Variants in TENM4 observed in about 807,000 individuals in gnomAD.
TENM4 encodes the protein teneurin transmembrane protein 4.
A neutral mutation model predicts 243.3 loss-of-function variants in TENM4; 82 were observed. That is an observed-to-expected ratio of 0.34 (90% CI 0.28 to 0.40). The LOEUF is 0.40. Ranked by LOEUF, TENM4 falls within the 10% of genes least tolerant of loss-of-function variation. TENM4 has a pLI of 1.00. For synonymous variants in TENM4, 1,412 were observed against 1,456.3 expected (o/e 0.97, Z 0.69); for missense variants, 3,138 against 3,673.3 (o/e 0.85, Z 3.77).
chr11:79,365,382 G>A (rs1046107103), intron 1 of TENM4, among the ~76,000 whole-genome samples: 1 of 152,182 alleles, frequency 6.6e-6, no homozygotes, highest in Non-Finnish European at 1.5e-5. Context: ...AGTAGCAACT[G>A]TATTATGAAT....
chr11:79,069,639 C>A (rs1438068487), intron 5 of TENM4, 83 bp downstream of exon 5: 27 of 1,458,176 alleles, frequency 1.9e-5, no homozygotes, highest in Non-Finnish European at 9.1e-7. Flanking sequence ...CCACGCCCAC[C>A]TGCGCCACGC....
At chr11:78,947,448 G>A (rs1254300747) in intron 6 of TENM4, among the ~76,000 whole-genome samples, 1 of 151,836 alleles carries the variant, frequency 6.6e-6, no homozygotes, top group African/African-American at 2.4e-5. Flanking sequence ...GGGTGTGTGG[G>A]GACCTGGAAA....
At chr11:79,247,452 C>G (rs543614046) in intron 2 of TENM4, among the ~76,000 whole-genome samples, 1 of 148,200 alleles carries the variant, frequency 6.7e-6, no homozygotes, top group African/African-American at 2.5e-5. Context: ...AGAAGAAGAA[C>G]GTGCTGATTC....
chr11:79,375,006 A>G (rs1465884499), intron 1 of TENM4, among the ~76,000 whole-genome samples: 2 of 152,244 alleles, frequency 1.3e-5, no homozygotes, highest in East Asian at 1.9e-4. Context: ...TGGGAATTCC[A>G]TGAGAAAGAC....
chr11:78,705,013 G>A (rs939434788), intron 27 of TENM4, among the ~76,000 whole-genome samples: 1 of 152,204 alleles, frequency 6.6e-6, no homozygotes, highest in African/African-American at 2.4e-5. Flanking sequence ...CGCCAGGGCC[G>A]CTGCCGGCCA....
chr11:79,138,451 T>G (rs564112877), intron 4 of TENM4, among the ~76,000 whole-genome samples: 98 of 116,358 alleles, frequency 8.4e-4, no homozygotes, highest in African/African-American at 3.3e-3. Flanking sequence ...TATATTTATA[T>G]ATAATATATT....
intron 2 of TENM4, among the ~76,000 whole-genome samples, chr11:79,248,183 A>G (rs992799754): frequency 2.0e-5 from 3 of 152,212 alleles, no homozygotes; most frequent in African/African-American, 7.2e-5. Context: ...GACTACCTTC[A>G]GAAGTAGGTG....
At chr11:79,174,295 G>C (rs191281539) in intron 3 of TENM4, among the ~76,000 whole-genome samples, 628 of 152,106 alleles carry the variant, frequency 4.1e-3, no homozygotes, top group Non-Finnish European at 7.6e-3. Context: ...TGATGCTCTC[G>C]GGGGAGAGAT....
At chr11:78,962,789 G>A (rs932368215) in intron 6 of TENM4, among the ~76,000 whole-genome samples, 1 of 152,214 alleles carries the variant, frequency 6.6e-6, no homozygotes, top group Admixed American at 6.5e-5. Context: ...TGATGTCACC[G>A]AACTGATATG....
At chr11:79,078,963 T>G (rs2137022890) in intron 4 of TENM4, among the ~76,000 whole-genome samples, 1 of 152,370 alleles carries the variant, frequency 6.6e-6, no homozygotes, top group Middle Eastern at 3.4e-3. Context: ...TATATTCTAA[T>G]TGGCTTAAAT....
At chr11:79,085,842 G>A (rs1017076928) in intron 4 of TENM4, among the ~76,000 whole-genome samples, 1 of 152,102 alleles carries the variant, frequency 6.6e-6, no homozygotes, top group Non-Finnish European at 1.5e-5. Context: ...TGCTGTTTTG[G>A]CCAATTGCTT....
In TENM4 at chr11:78,903,263, C is replaced by T. The variant is rs1855975579; in HGVS notation, c.749+5G>A. 1 of 1,489,586 alleles carries T rather than the reference C, an allele frequency of 6.7e-7. No homozygotes were observed. The highest frequency in any genetic ancestry group is 2.7e-5 in the East Asian group (1 of 37,366). The allele number at this position is 1,489,586 out of a possible 1,614,324, so 92.3% of individuals were successfully genotyped here. ...TCAGCCTCACCCTCCCTACCGGCCG[C>T]GCACCTGGTCTCCAGGGGGATGTTG... On this transcript the variant is annotated splice_donor_5th_base_variant and intron_variant, in intron 7 of 33. Transcript: ENST00000278550.
chr11:79,289,017 G>A (rs1355679655), intron 2 of TENM4, among the ~76,000 whole-genome samples: 1 of 152,196 alleles, frequency 6.6e-6, no homozygotes, highest in Non-Finnish European at 1.5e-5. Flanking sequence ...TTGTCTCCCA[G>A]GAGACGTACA....
At chr11:78,843,910 A>G (rs1441366186) in intron 12 of TENM4, among the ~76,000 whole-genome samples, 1 of 152,198 alleles carries the variant, frequency 6.6e-6, no homozygotes, top group Non-Finnish European at 1.5e-5. Context: ...TCATGCCCAT[A>G]ACAGAAGCTT....
chr11:79,082,536 T>A (rs891092159), intron 4 of TENM4, among the ~76,000 whole-genome samples: 4 of 149,582 alleles, frequency 2.7e-5, no homozygotes, highest in African/African-American at 9.8e-5. Context: ...ACATTTAATC[T>A]ATGCCTGAGA....
intron 1 of TENM4, among the ~76,000 whole-genome samples, chr11:79,325,394 G>A (rs1333295504): frequency 2.0e-5 from 3 of 152,192 alleles, no homozygotes; most frequent in African/African-American, 7.2e-5. Context: ...AGAACTCACA[G>A]CTGTTTGAAT....
At chr11:79,287,011 G>A (rs938738585) in intron 2 of TENM4, among the ~76,000 whole-genome samples, 21 of 152,340 alleles carry the variant, frequency 1.4e-4, no homozygotes, top group Non-Finnish European at 2.6e-4. Flanking sequence ...AGCTATTGGT[G>A]AAGGGGCCAG....
intron 28 of TENM4, among the ~76,000 whole-genome samples, chr11:78,692,762 CAA>C (rs1172721712): frequency 6.6e-6 from 1 of 152,172 alleles, no homozygotes; most frequent in African/African-American, 2.4e-5. Context: ...CCAAACATGC[CAA>C]AGTCAGTGCA....
chr11:78,688,475 G>A (rs1433702381), intron 28 of TENM4, among the ~76,000 whole-genome samples: 2 of 152,136 alleles, frequency 1.3e-5, no homozygotes, highest in South Asian at 4.1e-4. Context: ...ACCCAGTGGG[G>A]ATGATAACAC....
Sources: allele counts gnomAD v4.1 joint callset (sites outside exome capture counted in the v4.1 genomes callset), GRCh38; gene constraint gnomAD v4.1.1; transcripts MANE v1.5; gene names NCBI Gene and HGNC (gene_info 2026-07-23, HGNC 2026-07-21).